Variants in DDR2 observed in about 807,000 individuals in gnomAD.
The protein encoded by DDR2 is discoidin domain-containing receptor 2.
Under a neutral mutation model 94.9 loss-of-function variants are expected in DDR2, and 27 were observed. The ratio of observed to expected loss-of-function variants is 0.28; its 90% CI spans 0.21 to 0.39. The LOEUF is 0.39. Among genes scored for constraint, DDR2 ranks in the 10% least tolerant of loss-of-function variants. The probability of loss-of-function intolerance (pLI) is 1.00; values close to 1 mark genes in which losing one functional copy is unlikely to be tolerated. For synonymous variants in DDR2, 382 were observed against 377.2 expected (o/e 1.01, Z -0.15); for missense variants, 783 against 1,076.0 (o/e 0.73, Z 3.81).
intron 2 of DDR2, among the ~76,000 whole-genome samples, chr1:162,690,537 A>T (rs1342480429): frequency 6.6e-6 from 1 of 152,168 alleles, no homozygotes; most frequent in Non-Finnish European, 1.5e-5. Flanking sequence ...GATAAGATAG[A>T]TTTCCTCGAT....
intron 9 of DDR2, among the ~76,000 whole-genome samples, chr1:162,764,818 C>T (rs774141299): frequency 1.4e-5 from 2 of 146,010 alleles, no homozygotes; most frequent in Non-Finnish European, 3.0e-5. Context: ...CAGAGTGAGA[C>T]CCTGTTTAAA....
At chr1:162,634,152 C>T (rs1476746109) in intron 1 of DDR2, among the ~76,000 whole-genome samples, 3 of 152,164 alleles carry the variant, frequency 2.0e-5, no homozygotes, top group Non-Finnish European at 4.4e-5. Context: ...TGGATTCTCT[C>T]TCAGAGGCCA....
rs141271829 is a variant in DDR2 at position 162,680,836 on chromosome 1, A to G, written c.-28+25462A>G. Among the ~76,000 whole-genome samples, 344 of 152,336 alleles carry G rather than the reference A, an allele frequency of 2.3e-3. 3 individuals are homozygous for G. The highest frequency in any genetic ancestry group is 7.9e-3 in the African/African-American group (328 of 41,582). ...TGAACACATTCCAGTCTTCTTCTAT[A>G]AAAACACAATTTTTTATAAAGTTGA... On this transcript the variant is annotated intron_variant, in intron 2 of 17. Coordinates refer to ENST00000367921, the MANE Select transcript of DDR2 (RefSeq NM_006182.4).
chr1:162,681,828 A>G (rs1230954700), intron 2 of DDR2, among the ~76,000 whole-genome samples: 1 of 152,230 alleles, frequency 6.6e-6, no homozygotes, highest in Non-Finnish European at 1.5e-5. Flanking sequence ...AGGGGACACA[A>G]ACATTCAGTT....
At chr1:162,718,943 T>C (rs2102030017) in intron 2 of DDR2, 94 bp from the exon 3 acceptor site, 2 of 1,265,922 alleles carry the variant, frequency 1.6e-6, no homozygotes, top group Non-Finnish European at 2.3e-6. Flanking sequence ...ACAAAATTAA[T>C]TGTGAGAATT....
At chr1:162,709,815 T>C (rs1199625935) in intron 2 of DDR2, among the ~76,000 whole-genome samples, 2 of 152,136 alleles carry the variant, frequency 1.3e-5, no homozygotes, top group Non-Finnish European at 2.9e-5. Context: ...AAGCTAGAGA[T>C]TGCTAGGGCT....
At chr1:162,751,881 C>A (rs1663221906) in intron 3 of DDR2, among the ~76,000 whole-genome samples, 1 of 152,164 alleles carries the variant, frequency 6.6e-6, no homozygotes, top group Non-Finnish European at 1.5e-5. Flanking sequence ...ATCATTTGAG[C>A]AAACTATCGC....
chr1:162,711,315 T>C (rs1165224443), intron 2 of DDR2, among the ~76,000 whole-genome samples: 2 of 152,230 alleles, frequency 1.3e-5, no homozygotes, highest in Non-Finnish European at 2.9e-5. Flanking sequence ...GTAGATGGAA[T>C]ATTTTTATAT....
chr1:162,645,234 C>A (rs1571138625), intron 1 of DDR2, among the ~76,000 whole-genome samples: 1 of 152,100 alleles, frequency 6.6e-6, no homozygotes, highest in African/African-American at 2.4e-5. Context: ...AGGATTGTCC[C>A]TTTTGGTATT....
intron 2 of DDR2, among the ~76,000 whole-genome samples, chr1:162,660,112 A>G (rs1251558953): frequency 2.6e-5 from 4 of 152,056 alleles, no homozygotes. Flanking sequence ...TCCATTTATG[A>G]TGGATGAGAG....
At position 162,767,354 on chromosome 1, in the gene DDR2, G is replaced by C. The variant is rs776562909; in HGVS notation, c.1288G>C (p.Glu430Gln). ...GAGGCAGTTCTGGCAGAAAATGCTG[G>C]AGAAGGTGAGGAGGTGCAGAATGGT... ...LWRQFWQKMLEKASRRMLDDE... is the reference protein window; with the variant it reads ...LWRQFWQKMLQKASRRMLDDE... Residue 430 changes from glutamate to glutamine, a missense_variant, in exon 11 of 18, where the codon GAG (glutamate) becomes CAG (glutamine). Glu to Gln is a conservative substitution (Grantham distance 29). Around this residue, in one of 2 missense-constraint regions of DDR2, gnomAD observed 519 missense variants for 647.9 expected, o/e 0.80. Transcript: ENST00000367921. 1.9e-6 allele frequency: 3 copies of C among 1,613,782 alleles called. No individual in the cohort carries two copies. The African/African-American group carries it at 4.0e-5, about 22-fold the overall frequency.
rs1416424027 is a variant in DDR2, at chr1:162,785,405, G to C, written c.*5159G>C. On this transcript the variant is annotated 3_prime_UTR_variant, in exon 18 of 18. Coordinates refer to ENST00000367921, the MANE Select transcript of DDR2 (RefSeq NM_006182.4). ...ATACTATTTTCAGAGTGGTAGAGAG[G>C]TTTTATTTGCCTAAATAGCCGTTAT... The C allele has an allele frequency of 6.6e-6, 1 of 152,188 alleles. No homozygotes were observed. The highest frequency in any genetic ancestry group is 1.5e-5 in the Non-Finnish European group (1 of 68,036). The allele number at this position is 152,188 out of a possible 1,614,324, so 9.4% of individuals were successfully genotyped here. A position where few individuals can be genotyped will look rare whatever the true frequency, so the allele number is the denominator to read the frequency against.
At chr1:162,660,571 A>C (rs1267634003) in intron 2 of DDR2, among the ~76,000 whole-genome samples, 3 of 152,172 alleles carry the variant, frequency 2.0e-5, no homozygotes, top group Non-Finnish European at 4.4e-5. Context: ...CACATCACCT[A>C]GGGATCATGT....
In DDR2 at chr1:162,775,684, C is replaced by G. The variant is rs758532950; in HGVS notation, c.1889C>G (p.Ser630Cys). ...NDFLKEIKIM[S>C]RLKDPNIIHL... Reference sequence around the variant, plus strand: ...TTTCTTAAGGAGATAAAGATCATGTCTCGGCTCAAGGACCCAAACATCATC... The same window carrying G: ...TTTCTTAAGGAGATAAAGATCATGTGTCGGCTCAAGGACCCAAACATCATC... Residue 630 changes from serine to cysteine, a missense_variant, in exon 15 of 18, where the codon TCT becomes TGT. Around this residue, in one of 2 missense-constraint regions of DDR2, gnomAD observed 264 missense variants for 428.2 expected, o/e 0.62. Coordinates refer to ENST00000367921, the MANE Select transcript of DDR2 (RefSeq NM_006182.4). The G allele has an allele frequency of 1.2e-6, 2 of 1,614,110 alleles. No homozygotes were observed. The highest frequency in any genetic ancestry group is 3.3e-5 in the Admixed American group (2 of 60,018).
In DDR2 at chr1:162,763,575, C is replaced by T. The variant is rs149368641; in HGVS notation, c.1099+2121C>T. ...AGCCTTTGATAACTTTCTTGTTTTC[C>T]GAAAGAACAAGGTATTTCAAGCTCA... On this transcript the variant is annotated intron_variant, in intron 9 of 17. Transcript: ENST00000367921. Among the ~76,000 whole-genome samples, 89 of 151,858 alleles carry T rather than the reference C, an allele frequency of 5.9e-4. 1 individual carries two copies. The highest frequency in any genetic ancestry group is 2.0e-3 in the African/African-American group (81 of 41,358).
rs545034957 is a variant in DDR2 at position 162,718,354 on chromosome 1, A to G, written c.-27-683A>G. Among the ~76,000 whole-genome samples, 3 of 152,320 alleles carry G rather than the reference A, an allele frequency of 2.0e-5. No individual in the cohort carries two copies. The East Asian group carries it at 5.8e-4, about 29-fold the overall frequency. ...CAAGATCTGAGCACTAGGTTTGCTC[A>G]TTGCTACTGGGATGTCATTGCCTCT... On this transcript the variant is annotated intron_variant, in intron 2 of 17. Transcript: ENST00000367921.
chr1:162,744,383 C>T (rs1662752970), intron 3 of DDR2, among the ~76,000 whole-genome samples: 1 of 152,064 alleles, frequency 6.6e-6, no homozygotes, highest in African/African-American at 2.4e-5. Flanking sequence ...TGATATGTAA[C>T]GTATGTGGAA....
intron 2 of DDR2, among the ~76,000 whole-genome samples, chr1:162,713,371 GAC>G (rs1174069419): frequency 6.6e-6 from 1 of 152,112 alleles, no homozygotes; most frequent in Non-Finnish European, 1.5e-5. Context: ...TAATATAAAT[GAC>G]ATTAACAAGG....
Position 162,772,145 on chromosome 1 carries a change from C to A in DDR2, c.1626C>A (p.Ala542=). Reference sequence around the variant, plus strand: ...GAGGCAACACATACTCAGTGCCTGCCGTCACCATGGACCTGCTCTCAGGAA... The same window carrying A: ...GAGGCAACACATACTCAGTGCCTGCAGTCACCATGGACCTGCTCTCAGGAA... ...VTGGNTYSVP[A]VTMDLLSGKD... The change falls in exon 13 of 18, where the codon GCC becomes GCA. Residue 542 remains alanine (A), a synonymous_variant. Transcript: ENST00000367921. 6.2e-7 allele frequency: 1 copy of A among 1,614,180 alleles called. No homozygotes were observed. Among genetic ancestry groups the A allele is most frequent in the Non-Finnish European group, 8.5e-7 (1 of 1,180,020 alleles).
Sources: gnomAD v4.1 joint callset for allele counts (sites outside exome capture counted in the v4.1 genomes callset) on GRCh38, gnomAD v4.1.1 for gene constraint, gnomAD v4.1.1 regional missense constraint, MANE v1.5 for transcripts, NCBI Gene and HGNC (gene_info 2026-07-23, HGNC 2026-07-21) for gene names.